EMB: variants seen among roughly 807,000 people sequenced by gnomAD.
EMB encodes embigin.
Under a neutral mutation model 41.4 loss-of-function variants are expected in EMB, and 31 were observed. The ratio of observed to expected loss-of-function variants is 0.75; its 90% CI spans 0.56 to 1.01. The LOEUF is 1.01. Ranked by LOEUF, EMB falls within the 50% of genes least tolerant of loss-of-function variation. The pLI, the probability that EMB is intolerant of heterozygous loss-of-function variation, is 0.00. For missense variants in EMB, 379 were observed against 388.3 expected (o/e 0.98, Z 0.20); for synonymous variants, 137 against 140.4 (o/e 0.98, Z 0.17).
chr5:50,417,249 T>C (rs1248682711), intron 2 of EMB, among the ~76,000 whole-genome samples: 1 of 152,184 alleles, frequency 6.6e-6, no homozygotes, highest in African/African-American at 2.4e-5. Flanking sequence ...CACACTAACA[T>C]GAGGCCAACA....
At chr5:50,412,798 T>C (rs2111800487) in intron 2 of EMB, among the ~76,000 whole-genome samples, 1 of 151,956 alleles carries the variant, frequency 6.6e-6, no homozygotes, top group Admixed American at 6.5e-5. Flanking sequence ...GAATATGGAA[T>C]GGTTAGGACT....
chr5:50,412,765 T>C (rs1745363576), intron 2 of EMB, among the ~76,000 whole-genome samples: 1 of 152,016 alleles, frequency 6.6e-6, no homozygotes, highest in Non-Finnish European at 1.5e-5. Context: ...AGAGAAAAAG[T>C]TCCTCCCTGA....
chr5:50,436,678 A>G (rs771717322), intron 1 of EMB, among the ~76,000 whole-genome samples: 1 of 151,898 alleles, frequency 6.6e-6, no homozygotes, highest in African/African-American at 2.4e-5. Flanking sequence ...AGGCCCTAAT[A>G]CTCCACACCA....
rs536174030 is a variant in EMB, at chr5:50,413,461, T to G, written c.197-2078A>C. Reference sequence around the variant, plus strand: ...TTAAGTCTCTGGATCCAATTCCCAGTTTACAGGAAACATGGATTATAGAAG... The same window carrying G: ...TTAAGTCTCTGGATCCAATTCCCAGGTTACAGGAAACATGGATTATAGAAG... On this transcript the variant is annotated intron_variant, in intron 2 of 8. Coordinates refer to ENST00000303221, the MANE Select transcript of EMB (RefSeq NM_198449.3). Among the ~76,000 whole-genome samples, 11 of 152,318 alleles carry G rather than the reference T, an allele frequency of 7.2e-5. No individual in the cohort carries two copies. The East Asian group carries it at 2.1e-3, about 29-fold the overall frequency.
chr5:50,422,857 T>C (rs1005197137), intron 2 of EMB, among the ~76,000 whole-genome samples: 1 of 152,156 alleles, frequency 6.6e-6, no homozygotes, highest in African/African-American at 2.4e-5. Context: ...AGGGGCCAAC[T>C]GTCAAGATGT....
intron 5 of EMB, among the ~76,000 whole-genome samples, chr5:50,404,249 C>A (rs937414457): frequency 2.6e-5 from 4 of 151,890 alleles, no homozygotes; most frequent in African/African-American, 9.7e-5. Flanking sequence ...CAGAGCTTAT[C>A]CAAGGAATAA....
chr5:50,441,425 T>C (rs1745913388), upstream of EMB: 3 of 276,146 alleles, frequency 1.1e-5, no homozygotes, highest in Admixed American at 5.3e-5. Flanking sequence ...ACTTCCCGGC[T>C]GCAGCCTCTC....
intron 1 of EMB, 88 bp downstream of exon 1, chr5:50,440,952 C>G: frequency 1.0e-6 from 1 of 990,530 alleles, no homozygotes; most frequent in Non-Finnish European, 1.3e-6. Context: ...CACCCTTGCC[C>G]GGCGCGCCGG....
intron 2 of EMB, 40 bp downstream of exon 2, chr5:50,428,104 T>C (rs779216295): frequency 2.1e-6 from 3 of 1,444,844 alleles, no homozygotes; most frequent in Non-Finnish European, 2.9e-6. Context: ...GCTTAAACCC[T>C]TTTTTTCGAA....
intron 1 of EMB, among the ~76,000 whole-genome samples, chr5:50,431,558 C>T (rs188531500): frequency 7.1e-4 from 108 of 152,194 alleles, no homozygotes; most frequent in Non-Finnish European, 8.1e-4. Flanking sequence ...GGTTTCCAAA[C>T]GCCATATGCC....
At chr5:50,421,864 G>C (rs997824028) in intron 2 of EMB, among the ~76,000 whole-genome samples, 2 of 139,756 alleles carry the variant, frequency 1.4e-5, no homozygotes, top group South Asian at 4.6e-4. Flanking sequence ...ATGGACACAG[G>C]AAGGGGAACA....
intron 1 of EMB, chr5:50,428,501 A>T: frequency 1.7e-5 from 18 of 1,076,810 alleles, no homozygotes; most frequent in Non-Finnish European, 2.0e-5. Flanking sequence ...TTTTTATTCT[A>T]CTATTATAGT....
At chr5:50,401,781 G>C (rs1352121585) in intron 7 of EMB, among the ~76,000 whole-genome samples, 1 of 151,938 alleles carries the variant, frequency 6.6e-6, no homozygotes, top group South Asian at 2.1e-4. Context: ...ACCATTTGTA[G>C]ATGTTTTCAA....
chr5:50,412,697 T>G (rs1363676657), intron 2 of EMB, among the ~76,000 whole-genome samples: 1 of 152,118 alleles, frequency 6.6e-6, no homozygotes, highest in Non-Finnish European at 1.5e-5. Flanking sequence ...CGCTTTTTGT[T>G]TTGCTAATCT....
Position 50,441,106 on chromosome 5 carries a change from G to A in EMB, c.46C>T (p.Arg16Trp). The A allele has an allele frequency of 1.3e-5, 20 of 1,517,402 alleles. No individual in the cohort carries two copies. The highest frequency in any genetic ancestry group is 1.7e-5 in the Non-Finnish European group (19 of 1,136,494). The allele number at this position is 1,517,402 out of a possible 1,614,324, so 94.0% of individuals were successfully genotyped here. ...AGAAGGCACTGGAGGAGGAGCAGCC[G>A]GGGCGTACGCGCCCTGGCCTCCAGC... ...GLLEARARTP[R>W]LLLLQCLLAA... The change falls in exon 1 of 9, where the codon CGG becomes TGG. Residue 16 changes from arginine to tryptophan, a missense_variant. Transcript: ENST00000303221.
upstream of EMB, chr5:50,441,400 T>G: frequency 3.1e-6 from 1 of 319,984 alleles, no homozygotes; most frequent in Non-Finnish European, 5.7e-6. Context: ...TTCCCGGATG[T>G]GCGGTGGCGG....
At chr5:50,420,071 C>T (rs1355713173) in intron 2 of EMB, among the ~76,000 whole-genome samples, 1 of 152,138 alleles carries the variant, frequency 6.6e-6, no homozygotes, top group Non-Finnish European at 1.5e-5. Context: ...AGAGCTAATG[C>T]ATGCTGGGCT....
intron 2 of EMB, among the ~76,000 whole-genome samples, chr5:50,418,243 T>C (rs1561135789): frequency 6.6e-6 from 1 of 152,246 alleles, no homozygotes; most frequent in Non-Finnish European, 1.5e-5. Flanking sequence ...ACCAAATACA[T>C]TTGTTGCCAC....
intron 1 of EMB, among the ~76,000 whole-genome samples, chr5:50,429,918 T>C (rs1227592466): frequency 6.6e-6 from 1 of 150,860 alleles, no homozygotes; most frequent in African/African-American, 2.4e-5. Context: ...TTCTCTGTCT[T>C]TTCACCCCTT....
Sources: allele counts gnomAD v4.1 joint callset (sites outside exome capture counted in the v4.1 genomes callset), GRCh38; gene constraint gnomAD v4.1.1; transcripts MANE v1.5; gene names NCBI Gene and HGNC (gene_info 2026-07-23, HGNC 2026-07-21).